SPAG16: variants seen among roughly 807,000 people sequenced by gnomAD.
SPAG16 encodes the protein sperm associated antigen 16.
In SPAG16, 86 loss-of-function variants were observed where a neutral mutation model predicts 80.4. The observed-to-expected ratio is 1.07, with a 90% confidence interval of 0.90 to 1.28. The LOEUF (loss-of-function observed/expected upper bound fraction) is 1.28, where lower values mean the gene tolerates loss of function less well. Ranked by LOEUF, SPAG16 falls within the 50% of genes most tolerant of loss-of-function variation. The pLI is 0.00. For missense variants in SPAG16, 870 were observed against 765.3 expected (o/e 1.14, Z -1.61); for synonymous variants, 294 against 265.9 (o/e 1.11, Z -1.03).
chr2:214,355,954 A>G (rs538942946), intron 15 of SPAG16, among the ~76,000 whole-genome samples: 11 of 143,758 alleles, frequency 7.7e-5, no homozygotes, highest in East Asian at 2.1e-4. Flanking sequence ...GTTCTCACTC[A>G]TAGGTGGGAA....
At chr2:214,121,126 A>C (rs1158794385) in intron 14 of SPAG16, among the ~76,000 whole-genome samples, 2 of 151,852 alleles carry the variant, frequency 1.3e-5, no homozygotes, top group African/African-American at 2.4e-5. Flanking sequence ...AAGAAATAAG[A>C]AAAGGATATT....
intron 10 of SPAG16, among the ~76,000 whole-genome samples, chr2:213,537,617 G>T (rs559684605): frequency 6.6e-6 from 1 of 152,208 alleles, no homozygotes; most frequent in South Asian, 2.1e-4. Flanking sequence ...CCACAGTCAG[G>T]TGTTTTTGGT....
intron 9 of SPAG16, among the ~76,000 whole-genome samples, chr2:213,447,321 T>C (rs2071381886): frequency 6.6e-6 from 1 of 152,180 alleles, no homozygotes; most frequent in African/African-American, 2.4e-5. Context: ...ATATTCCCCA[T>C]TCTGAGCCCA....
intron 10 of SPAG16, among the ~76,000 whole-genome samples, chr2:213,514,216 T>G (rs538006621): frequency 2.2e-4 from 33 of 152,104 alleles, no homozygotes; most frequent in Non-Finnish European, 3.4e-4. Context: ...ATTTCTCACA[T>G]TATGGTTTAT....
chr2:213,762,712 C>G (rs1404674217), intron 10 of SPAG16, among the ~76,000 whole-genome samples: 1 of 152,136 alleles, frequency 6.6e-6, no homozygotes, highest in African/African-American at 2.4e-5. Flanking sequence ...AATTTTATAA[C>G]ATTTGTCTTG....
intron 15 of SPAG16, among the ~76,000 whole-genome samples, chr2:214,297,172 TG>T (rs1479393056): frequency 1.3e-5 from 2 of 152,172 alleles, no homozygotes; most frequent in Non-Finnish European, 2.9e-5. Flanking sequence ...TTGTTATTGT[TG>T]TTGAGTTTTT....
intron 15 of SPAG16, among the ~76,000 whole-genome samples, chr2:214,277,911 A>C (rs1252464747): frequency 6.6e-6 from 1 of 152,184 alleles, no homozygotes; most frequent in African/African-American, 2.4e-5. Flanking sequence ...CCCTGCCCCT[A>C]GAGGTGGAGT....
intron 5 of SPAG16, among the ~76,000 whole-genome samples, chr2:213,321,622 A>G (rs1233509810): frequency 6.6e-6 from 1 of 152,150 alleles, no homozygotes; most frequent in Non-Finnish European, 1.5e-5. Flanking sequence ...CCACTAAAAT[A>G]TCATTTGAAT....
At chr2:214,142,176 C>A (rs1438761393) in intron 14 of SPAG16, among the ~76,000 whole-genome samples, 1 of 152,110 alleles carries the variant, frequency 6.6e-6, no homozygotes, top group Non-Finnish European at 1.5e-5. Flanking sequence ...AGAGTACATC[C>A]TATCTATAGA....
chr2:213,469,580 T>G (rs1345756447), intron 9 of SPAG16, among the ~76,000 whole-genome samples: 7 of 146,648 alleles, frequency 4.8e-5, no homozygotes, highest in African/African-American at 1.5e-4. Flanking sequence ...GTTTTTTTTT[T>G]TTTTTTTTTT....
chr2:213,921,092 G>C (rs774367547), intron 11 of SPAG16, among the ~76,000 whole-genome samples: 2 of 152,132 alleles, frequency 1.3e-5, no homozygotes, highest in African/African-American at 2.4e-5. Context: ...CTTGAGCACA[G>C]CTTTTGTATC....
chr2:213,699,626 C>T (rs1278973820), intron 10 of SPAG16, among the ~76,000 whole-genome samples: 2 of 152,004 alleles, frequency 1.3e-5, no homozygotes, highest in Non-Finnish European at 2.9e-5. Context: ...TGTCATGGCC[C>T]CTGGAAATGT....
At chr2:213,887,195 A>G (rs1488070506) in intron 11 of SPAG16, among the ~76,000 whole-genome samples, 2 of 152,062 alleles carry the variant, frequency 1.3e-5, no homozygotes, top group African/African-American at 2.4e-5. Context: ...ACTTTTAACT[A>G]AACTATAGAC....
At chr2:213,993,458 A>C (rs375872709) in intron 12 of SPAG16, among the ~76,000 whole-genome samples, 1 of 152,048 alleles carries the variant, frequency 6.6e-6, no homozygotes, top group East Asian at 1.9e-4. Flanking sequence ...TCACAAGTAA[A>C]CCCCCTAAGG....
chr2:214,225,350 A>G (rs1360056262), intron 15 of SPAG16, among the ~76,000 whole-genome samples: 1 of 152,116 alleles, frequency 6.6e-6, no homozygotes, highest in Admixed American at 6.6e-5. Context: ...CTTTTCCTAA[A>G]TCTAGATTGT....
chr2:213,506,228 A>C (rs999119500), intron 10 of SPAG16, among the ~76,000 whole-genome samples: 3 of 152,042 alleles, frequency 2.0e-5, no homozygotes, highest in African/African-American at 7.2e-5. Context: ...TTGATGCAAT[A>C]ATATTTTTAT....
At chr2:213,710,470 C>T (rs977939189) in intron 10 of SPAG16, among the ~76,000 whole-genome samples, 1 of 152,034 alleles carries the variant, frequency 6.6e-6, no homozygotes, top group Admixed American at 6.6e-5. Context: ...AGTAATGAAA[C>T]ATTTCACAAA....
At chr2:213,831,899 C>A (rs1056456531) in intron 10 of SPAG16, among the ~76,000 whole-genome samples, 2 of 152,086 alleles carry the variant, frequency 1.3e-5, no homozygotes, top group South Asian at 2.1e-4. Context: ...TATAATGTGA[C>A]TAGTAAGAGA....
At chr2:213,934,700 A>C (rs1213143319) in intron 12 of SPAG16, among the ~76,000 whole-genome samples, 2 of 152,216 alleles carry the variant, frequency 1.3e-5, no homozygotes, top group Non-Finnish European at 2.9e-5. Context: ...AGTTCTATAC[A>C]ATAGAATATT....
Sources: gnomAD v4.1 joint callset for allele counts (sites outside exome capture counted in the v4.1 genomes callset) on GRCh38, gnomAD v4.1.1 for gene constraint, MANE v1.5 for transcripts, NCBI Gene and HGNC (gene_info 2026-07-23, HGNC 2026-07-21) for gene names.